AKAP8: variants seen among roughly 807,000 people sequenced by gnomAD.
AKAP8 encodes A-kinase anchoring protein 8.
Under a neutral mutation model 67.5 loss-of-function variants are expected in AKAP8, and 24 were observed. The ratio of observed to expected loss-of-function variants is 0.36; its 90% CI spans 0.26 to 0.50. The LOEUF is 0.50. Ranked by LOEUF, AKAP8 falls within the 20% of genes least tolerant of loss-of-function variation. The probability of loss-of-function intolerance (pLI) is 0.97; values close to 1 mark genes in which losing one functional copy is unlikely to be tolerated. For missense variants in AKAP8, 971 were observed against 955.9 expected (o/e 1.02, Z -0.21); for synonymous variants, 400 against 371.1 (o/e 1.08, Z -0.90).
intron 9 of AKAP8, among the ~76,000 whole-genome samples, chr19:15,364,107 G>GAAAAAAAA (rs1397943139): frequency 2.9e-4 from 2 of 6,824 alleles, no homozygotes; most frequent in Admixed American, 1.7e-3. Flanking sequence ...TTGGCAGTGG[G>GAAAAAAAA]CAAAAAAAAA....
In AKAP8 at chr19:15,369,280, G is replaced by T. The variant is rs1231502547; in HGVS notation, c.1072+866C>A. 2 of 985,262 alleles carry T rather than the reference G, an allele frequency of 2.0e-6. No individual in the cohort carries two copies. Among genetic ancestry groups the T allele is most frequent in the East Asian group, 2.3e-4 (2 of 8,836 alleles). The allele number at this position is 985,262 out of a possible 1,614,324, so 61.0% of individuals were successfully genotyped here. On this transcript the variant is annotated intron_variant, in intron 8 of 13. Coordinates refer to ENST00000269701, the MANE Select transcript of AKAP8 (RefSeq NM_005858.4). The surrounding 1 kb of genome is among the most constrained non-coding windows in gnomAD (Gnocchi z 4.6). The stretch of plus-strand genomic sequence containing the variant: ...TAGCATTGTGCCGCTAAGCGCTCGG[G>T]GCGCCCCGTGCTATGGACAGGACTG...
At chr19:15,361,045 T>A (rs4809184) in intron 11 of AKAP8, 67 bp from the exon 12 acceptor site, 2 of 1,566,810 alleles carry the variant, frequency 1.3e-6, no homozygotes, top group East Asian at 4.5e-5. Flanking sequence ...ACTCCCCATC[T>A]GGGCCCACGT....
Position 15,372,366 on chromosome 19 carries a change from C to T in AKAP8, c.862-19G>A, listed in dbSNP as rs770077752. The T allele has an allele frequency of 2.5e-6, 4 of 1,612,616 alleles. No individual in the cohort carries two copies. Among genetic ancestry groups the T allele is most frequent in the African/African-American group, 2.7e-5 (2 of 74,894 alleles). The stretch of plus-strand genomic sequence containing the variant: ...TCTTGGGCTACAGACAACAAGCACA[C>T]CCCATGAGCTACTTACGAGGGCCAT... On this transcript the variant is annotated intron_variant, in intron 5 of 13. Coordinates refer to ENST00000269701, the MANE Select transcript of AKAP8 (RefSeq NM_005858.4).
At chr19:15,375,642 G>GT (rs58762120) in intron 2 of AKAP8, among the ~76,000 whole-genome samples, 111,667 of 142,414 alleles carry the variant, frequency 0.78, 43,914 homozygotes, top group East Asian at 0.99. Context: ...TTTTTTTTTT[G>GT]TTTTTTTTTT....
intron 4 of AKAP8, 29 bp downstream of exon 4, chr19:15,373,757 C>A (rs1216782215): frequency 6.3e-7 from 1 of 1,585,720 alleles, no homozygotes; most frequent in Admixed American, 1.7e-5. Flanking sequence ...TGTGTGGGGT[C>A]CCGGGGGAGG....
chr19:15,363,377 G>A (rs1457873365), intron 9 of AKAP8, among the ~76,000 whole-genome samples: 9 of 129,410 alleles, frequency 7.0e-5, no homozygotes, highest in Admixed American at 1.6e-4. Flanking sequence ...CCCCCCGCCC[G>A]GCCAGCCGCC....
intron 12 of AKAP8, among the ~76,000 whole-genome samples, chr19:15,359,586 C>T (rs1389735455): frequency 6.6e-6 from 1 of 151,878 alleles, no homozygotes; most frequent in East Asian, 1.9e-4. Context: ...TGTGGTGGTG[C>T]ACACCCGTAA....
chr19:15,356,105 A>T (rs1445279139), intron 13 of AKAP8, among the ~76,000 whole-genome samples: 1 of 151,970 alleles, frequency 6.6e-6, no homozygotes, highest in Non-Finnish European at 1.5e-5. Context: ...GATGTTTTTT[A>T]AAAAAGGGCA....
rs752498693 is a variant in AKAP8, at chr19:15,355,010, T to C, written c.1984A>G (p.Ser662Gly). 5.6e-6 allele frequency: 9 copies of C among 1,614,082 alleles called. No individual in the cohort carries two copies. Among genetic ancestry groups the C allele is most frequent in the South Asian group, 1.1e-5 (1 of 91,084 alleles). The part of the protein sequence containing the change: ...GAETMAAEAE[S>G]AQTRVAPAPA... ...GCAGGAGCAACTCTGGTTTGGGCAC[T>C]TTCTGCCTCTGCTGCCATTGTCTCG... Residue 662 changes from serine to glycine, a missense_variant, in exon 14 of 14, where the codon AGT becomes GGT. Transcript: ENST00000269701.
chr19:15,365,244 G>C (rs2145071884), intron 9 of AKAP8, among the ~76,000 whole-genome samples: 1 of 152,296 alleles, frequency 6.6e-6, no homozygotes, highest in Non-Finnish European at 1.5e-5. Flanking sequence ...TTTACGTGCA[G>C]ACAAAACACC....
chr19:15,362,195 T>G lies in AKAP8; in HGVS notation c.1217A>C (p.Gln406Pro). 6.2e-7 allele frequency: 1 copy of G among 1,614,170 alleles called. No individual in the cohort carries two copies. Among genetic ancestry groups the G allele is most frequent in the Non-Finnish European group, 8.5e-7 (1 of 1,180,022 alleles). ...KFRSFDDEEI[Q>P]KHLQSKFHKE... ...GTGAAATTTGCTTTGCAGATGCTTCTGGATCTCTTCGTCATCAAAGCTACG... is the reference window on the plus strand; with the variant it reads ...GTGAAATTTGCTTTGCAGATGCTTCGGGATCTCTTCGTCATCAAAGCTACG... Residue 406 changes from glutamine (Q) to proline (P), a missense_variant, in exon 10 of 14, where the codon CAG (glutamine) becomes CCG (proline). Physicochemically the swap from Gln to Pro is moderately conservative, Grantham distance 76. Around this residue, in one of 3 missense-constraint regions of AKAP8, gnomAD observed 763 missense variants for 745.4 expected, o/e 1.02. Transcript: ENST00000269701.
chr19:15,374,485 G>A lies in AKAP8; in HGVS notation c.91+118C>T, dbSNP rs1361925531. ...CACAACAGCAGCCGTGGCTGACTGC[G>A]TCCTCAGGAACAGAGCCAGAAAGTC... On this transcript the variant is annotated intron_variant, in intron 3 of 13. Transcript: ENST00000269701. The A allele has an allele frequency of 5.8e-5, 72 of 1,247,762 alleles. No individual in the cohort carries two copies. In the South Asian group the frequency reaches 6.0e-4, roughly 10 times the overall value. The allele number at this position is 1,247,762 out of a possible 1,614,324, so 77.3% of individuals were successfully genotyped here.
intron 7 of AKAP8, among the ~76,000 whole-genome samples, chr19:15,370,863 C>T (rs1416295316): frequency 6.6e-6 from 1 of 152,074 alleles, no homozygotes; most frequent in Admixed American, 6.5e-5. Context: ...ATCTTGTGAC[C>T]TCGTGATCCA....
chr19:15,355,642 G>A (rs943585459), intron 13 of AKAP8, among the ~76,000 whole-genome samples: 8 of 151,084 alleles, frequency 5.3e-5, no homozygotes, highest in African/African-American at 1.7e-4. Flanking sequence ...TGCAACCTCC[G>A]CCTCCTGTGT....
Position 15,362,199 on chromosome 19 carries a change from T to C in AKAP8, c.1213A>G (p.Ile405Val). ...AATTTGCTTTGCAGATGCTTCTGGATCTCTTCGTCATCAAAGCTACGGAAC... is the reference window on the plus strand; with the variant it reads ...AATTTGCTTTGCAGATGCTTCTGGACCTCTTCGTCATCAAAGCTACGGAAC... ...CKFRSFDDEEIQKHLQSKFHK... is the reference protein window; with the variant it reads ...CKFRSFDDEEVQKHLQSKFHK... The change falls in exon 10 of 14, where the codon ATC becomes GTC. Residue 405 changes from isoleucine (I) to valine (V), a missense_variant. Physicochemically the swap from Ile to Val is conservative, Grantham distance 29. This residue lies in a region of AKAP8 where 763 missense variants were observed against 745.4 expected (regional missense o/e 1.02). Transcript: ENST00000269701. 4 of 1,614,058 alleles carry C rather than the reference T, an allele frequency of 2.5e-6. No individual in the cohort carries two copies. In the South Asian group the frequency reaches 4.4e-5, roughly 18 times the overall value.
At position 15,373,203 on chromosome 19, in the gene AKAP8, T is replaced by C; in HGVS notation, c.509A>G (p.Tyr170Cys). 6.2e-7 allele frequency: 1 copy of C among 1,613,844 alleles called. No homozygotes were observed. ...CCGGGCTGGGTCTCGGCATTCACTG[T>C]ACTGCCCCCCAAAGCTGCCATTGCG... ...SDRNGSFGGQYSECRDPARER... is the reference protein window; with the variant it reads ...SDRNGSFGGQCSECRDPARER... The change falls in exon 5 of 14, where the codon TAC becomes TGC. Residue 170 changes from tyrosine (Y) to cysteine (C), a missense_variant. Physicochemically the swap from Tyr to Cys is radical, Grantham distance 194. Coordinates refer to ENST00000269701, the MANE Select transcript of AKAP8 (RefSeq NM_005858.4).
chr19:15,368,384 G>T, intron 8 of AKAP8, 62 bp from the exon 9 acceptor site: 1 of 1,609,138 alleles, frequency 6.2e-7, no homozygotes, highest in South Asian at 1.1e-5. Context: ...GAGCTCCAGG[G>T]CCTGGTCGGG....
rs1369399185 is a variant in AKAP8 at position 15,359,032 on chromosome 19, G to C, written c.1558C>G (p.Leu520Val). Residue 520 changes from leucine to valine, a missense_variant, in exon 13 of 14, where the codon CTC becomes GTC. Leu to Val is a conservative substitution (Grantham distance 32). Coordinates refer to ENST00000269701, the MANE Select transcript of AKAP8 (RefSeq NM_005858.4). ...TTCAAAACACTCTTAGCCACATGGAGACTGGTTTTCTTGAACTGTTCAGCA... is the reference window on the plus strand; with the variant it reads ...TTCAAAACACTCTTAGCCACATGGACACTGGTTTTCTTGAACTGTTCAGCA... ...LAAEQFKKTS[L>V]HVAKSVLNNR... 6.2e-7 allele frequency: 1 copy of C among 1,614,088 alleles called. No homozygotes were observed. Among genetic ancestry groups the C allele is most frequent in the Non-Finnish European group, 8.5e-7 (1 of 1,180,054 alleles).
At chr19:15,377,119 A>G in intron 1 of AKAP8, 105 bp from the exon 2 acceptor site, 1 of 1,311,778 alleles carries the variant, frequency 7.6e-7, no homozygotes, top group African/African-American at 1.5e-5. Flanking sequence ...TGCCAGCCTT[A>G]GAAGAAGGAA....
Sources: gnomAD v4.1 joint callset for allele counts (sites outside exome capture counted in the v4.1 genomes callset) on GRCh38, gnomAD v4.1.1 for gene constraint, gnomAD v4.1.1 regional missense constraint, Gnocchi (gnomAD v3.1) non-coding constraint, MANE v1.5 for transcripts, NCBI Gene and HGNC (gene_info 2026-07-23, HGNC 2026-07-21) for gene names.